Variants in SMAD3 observed in about 807,000 individuals in gnomAD.
The protein encoded by SMAD3 is MAD homolog 3.
Under a neutral mutation model 51.8 loss-of-function variants are expected in SMAD3, and 12 were observed. That is an observed-to-expected ratio of 0.23 (90% CI 0.15 to 0.38). The LOEUF is 0.38. Ranked by LOEUF, SMAD3 falls within the 10% of genes least tolerant of loss-of-function variation. SMAD3 has a pLI of 1.00. For synonymous variants in SMAD3, 238 were observed against 227.7 expected, an observed-to-expected ratio of 1.05 and a Z score of -0.41; for missense variants, 294 against 565.6, an observed-to-expected ratio of 0.52 and a Z score of 4.87.
chr15:67,181,760 G>A (rs28374771), intron 6 of SMAD3, among the ~76,000 whole-genome samples: 2,140 of 151,468 alleles, frequency 0.014, 70 homozygotes, highest in African/African-American at 0.05. Context: ...AGAAGGGAAC[G>A]TCTATGAGAA....
chr15:67,130,795 T>A (rs541700337), intron 1 of SMAD3, among the ~76,000 whole-genome samples: 4 of 152,208 alleles, frequency 2.6e-5, no homozygotes, highest in African/African-American at 9.6e-5. Context: ...GGGTGGTGTA[T>A]GTGTAAAAGC....
At chr15:67,172,363 C>T (rs185509783) in intron 5 of SMAD3, among the ~76,000 whole-genome samples, 2 of 152,346 alleles carry the variant, frequency 1.3e-5, no homozygotes, top group East Asian at 1.9e-4. Flanking sequence ...GAATCGGGGG[C>T]GAGTCGCCCA....
chr15:67,161,948 G>A (rs1243536152), intron 1 of SMAD3, among the ~76,000 whole-genome samples: 1 of 152,082 alleles, frequency 6.6e-6, no homozygotes, highest in Non-Finnish European at 1.5e-5. Flanking sequence ...CCTCAGGGAC[G>A]AGTCCCAGGC....
chr15:67,187,729 T>C (rs970023571), intron 8 of SMAD3, among the ~76,000 whole-genome samples: 6 of 152,230 alleles, frequency 3.9e-5, no homozygotes, highest in African/African-American at 1.4e-4. Flanking sequence ...CGAACAGCTG[T>C]AGGCACTGTA....
chr15:67,177,703 T>C (rs1962943664), intron 5 of SMAD3, among the ~76,000 whole-genome samples: 2 of 151,634 alleles, frequency 1.3e-5, no homozygotes, highest in Admixed American at 1.3e-4. Flanking sequence ...GGATTACAGG[T>C]ATGAACCACT....
At chr15:67,126,594 T>G (rs1247120396) in intron 1 of SMAD3, among the ~76,000 whole-genome samples, 1 of 152,154 alleles carries the variant, frequency 6.6e-6, no homozygotes, top group Non-Finnish European at 1.5e-5. Context: ...GATTTTCTAT[T>G]CTGCGTTTAA....
At chr15:67,169,779 T>G (rs927929908) in intron 4 of SMAD3, among the ~76,000 whole-genome samples, 26 of 152,112 alleles carry the variant, frequency 1.7e-4, no homozygotes, top group African/African-American at 6.3e-4. Flanking sequence ...GCCTTCTTGA[T>G]AGAGGAACAG....
At chr15:67,117,038 A>G (rs554888887) in intron 1 of SMAD3, among the ~76,000 whole-genome samples, 1 of 152,286 alleles carries the variant, frequency 6.6e-6, no homozygotes, top group South Asian at 2.1e-4. Context: ...CGGGCCCTCC[A>G]TCTTCCCAGC....
chr15:67,072,488 A>G (rs1432161668), intron 1 of SMAD3, among the ~76,000 whole-genome samples: 1 of 152,200 alleles, frequency 6.6e-6, no homozygotes, highest in Non-Finnish European at 1.5e-5. Flanking sequence ...AATAGTCCTA[A>G]TTGACTTTTG....
At chr15:67,084,309 C>T (rs1268126202) in intron 1 of SMAD3, among the ~76,000 whole-genome samples, 1 of 151,742 alleles carries the variant, frequency 6.6e-6, no homozygotes, top group Non-Finnish European at 1.5e-5. Flanking sequence ...TCTCCATCTC[C>T]TGACCTCGTG....
intron 8 of SMAD3, among the ~76,000 whole-genome samples, chr15:67,188,824 T>G (rs1013092954): frequency 6.6e-6 from 1 of 152,276 alleles, no homozygotes; most frequent in Non-Finnish European, 1.5e-5. Context: ...GCATGACTTA[T>G]GGAAAGTCAG....
intron 1 of SMAD3, among the ~76,000 whole-genome samples, chr15:67,161,766 C>G (rs1962437664): frequency 6.6e-6 from 1 of 152,138 alleles, no homozygotes; most frequent in African/African-American, 2.4e-5. Context: ...GAAGCACTTT[C>G]AAATGGAAAC....
At chr15:67,133,137 C>T (rs573048347) in intron 1 of SMAD3, among the ~76,000 whole-genome samples, 24 of 152,340 alleles carry the variant, frequency 1.6e-4, no homozygotes, top group African/African-American at 5.8e-4. Flanking sequence ...GAGACCATGG[C>T]CTCCCTGATG....
At chr15:67,156,269 G>A (rs532052808) in intron 1 of SMAD3, among the ~76,000 whole-genome samples, 10 of 152,332 alleles carry the variant, frequency 6.6e-5, no homozygotes, top group African/African-American at 1.2e-4. Context: ...AATGTATGCC[G>A]TAGGTTTGGT....
At position 67,194,525 on chromosome 15, in the gene SMAD3, A is replaced by G. The variant is rs1276808827; in HGVS notation, c.*3989A>G. ...TTTTTTTAATGCAGAAGTAATGTAT[A>G]CTCTAGTATTCTGGTGTTTTTATAT... On this transcript the variant is annotated 3_prime_UTR_variant, in exon 9 of 9. Coordinates refer to ENST00000327367, the MANE Select transcript of SMAD3 (RefSeq NM_005902.4). The G allele has an allele frequency of 4.3e-6, 1 of 232,330 alleles. No individual in the cohort carries two copies. Among genetic ancestry groups the G allele is most frequent in the Non-Finnish European group, 8.5e-6 (1 of 117,792 alleles). The allele number at this position is 232,330 out of a possible 1,614,324, so 14.4% of individuals were successfully genotyped here. A position where few individuals can be genotyped will look rare whatever the true frequency, so the allele number is the denominator to read the frequency against.
At chr15:67,125,842 C>T (rs1398040252) in intron 1 of SMAD3, 10 of 985,302 alleles carry the variant, frequency 1.0e-5, no homozygotes, top group African/African-American at 5.2e-5. Flanking sequence ...GGGCAAGAGC[C>T]GCGGCACTGG....
At chr15:67,107,693 C>T (rs1295495125) in intron 1 of SMAD3, among the ~76,000 whole-genome samples, 1 of 152,248 alleles carries the variant, frequency 6.6e-6, no homozygotes, top group Non-Finnish European at 1.5e-5. Context: ...ACTTCCCTTC[C>T]CTGCCCCATA....
At chr15:67,071,896 C>T (rs1039753637) in intron 1 of SMAD3, among the ~76,000 whole-genome samples, 1 of 152,170 alleles carries the variant, frequency 6.6e-6, no homozygotes, top group Non-Finnish European at 1.5e-5. Context: ...CCTAGCTTCT[C>T]ATTTCTCTAG....
At chr15:67,184,259 G>A (rs1352545825) in intron 6 of SMAD3, among the ~76,000 whole-genome samples, 2 of 151,716 alleles carry the variant, frequency 1.3e-5, no homozygotes, top group Non-Finnish European at 2.9e-5. Flanking sequence ...ATGCCACTAT[G>A]CCCAGTTAAT....
Sources: allele counts gnomAD v4.1 joint callset (sites outside exome capture counted in the v4.1 genomes callset), GRCh38; gene constraint gnomAD v4.1.1; transcripts MANE v1.5; gene names NCBI Gene and HGNC (gene_info 2026-07-23, HGNC 2026-07-21).